The following PLD2 variants were observed in gnomAD, a reference collection of about 807,000 sequenced individuals.
PLD2 encodes choline phosphatase 2.
In PLD2, 101 loss-of-function variants were observed where a neutral mutation model predicts 119.8. The ratio of observed to expected loss-of-function variants is 0.84; its 90% confidence interval spans 0.72 to 0.99. PLD2 has a LOEUF of 0.99. Among genes scored for constraint, PLD2 ranks in the 50% least tolerant of loss-of-function variants. PLD2 has a pLI of 0.00. For missense variants in PLD2, 1,164 were observed against 1,226.8 expected (o/e 0.95, Z 0.76); for synonymous variants, 494 against 482.8 (o/e 1.02, Z -0.30).
rs751406333 is a variant in PLD2 at position 4,816,611 on chromosome 17, C to T, written c.1456-9C>T. Reference sequence around the variant, plus strand: ...CCTTGCCCCTGGCTTGGGTGTGTTCCCCCTACAGCCTCCCACCCCGCGCCC... The same window carrying T: ...CCTTGCCCCTGGCTTGGGTGTGTTCTCCCTACAGCCTCCCACCCCGCGCCC... On this transcript the variant is annotated splice_polypyrimidine_tract_variant and intron_variant, in intron 14 of 24. Transcript: ENST00000263088. 20 of 1,613,578 alleles carry T rather than the reference C, an allele frequency of 1.2e-5. No individual in the cohort carries two copies. Among genetic ancestry groups the T allele is most frequent in the Non-Finnish European group, 1.5e-5 (18 of 1,179,596 alleles).
chr17:4,813,254 C>A (rs1226910031), intron 10 of PLD2, among the ~76,000 whole-genome samples: 1 of 152,198 alleles, frequency 6.6e-6, no homozygotes, highest in African/African-American at 2.4e-5. Context: ...AAGTGATCCA[C>A]CCGCTTCGGC....
In PLD2 at chr17:4,809,565, C is replaced by T; in HGVS notation, c.614+14C>T. ...CCGCAAAGGACTGTGAGTGTCTGGC[C>T]CCCTTCACCCAGGCATCCGTAGACA... On this transcript the variant is annotated intron_variant, in intron 7 of 24. Transcript: ENST00000263088. The T allele has an allele frequency of 6.2e-7, 1 of 1,605,194 alleles. No homozygotes were observed. The highest frequency in any genetic ancestry group is 8.5e-7 in the Non-Finnish European group (1 of 1,173,706).
intron 9 of PLD2, 109 bp downstream of exon 9, chr17:4,810,138 C>A: frequency 8.9e-7 from 1 of 1,127,350 alleles, no homozygotes. Context: ...TTTTCCACCT[C>A]CCTGGATCGG....
In PLD2 at chr17:4,818,114, T is replaced by C. The variant is rs760840373; in HGVS notation, c.1920+8T>C. ...CACTTCCTCTACATTGAGGTCTGAC[T>C]GGGAGGAGGTGGGGGAGAGCATGGA... On this transcript the variant is annotated splice_region_variant and intron_variant, in intron 18 of 24. Coordinates refer to ENST00000263088, the MANE Select transcript of PLD2 (RefSeq NM_002663.5). 1.9e-6 allele frequency: 3 copies of C among 1,590,894 alleles called. No individual in the cohort carries two copies. The highest frequency in any genetic ancestry group is 1.7e-6 in the Non-Finnish European group (2 of 1,158,920).
chr17:4,809,736 C>T lies in PLD2; in HGVS notation c.660C>T (p.Gly220=). Reference sequence around the variant, plus strand: ...GCTCAGGTGGCCACCGTGTTCCTGGCCTCACCTGCTGTGGCCGAGACCAAG... The same window carrying T: ...GCTCAGGTGGCCACCGTGTTCCTGGTCTCACCTGCTGTGGCCGAGACCAAG... ...RKRSGGHRVP[G]LTCCGRDQVC... The change falls in exon 8 of 25, where the codon GGC becomes GGT. Residue 220 remains glycine, a synonymous_variant. Coordinates refer to ENST00000263088, the MANE Select transcript of PLD2 (RefSeq NM_002663.5). 3 of 1,614,194 alleles carry T rather than the reference C, an allele frequency of 1.9e-6. No individual in the cohort carries two copies. Among genetic ancestry groups the T allele is most frequent in the Non-Finnish European group, 2.5e-6 (3 of 1,180,044 alleles).
rs775352232 is a variant in PLD2 at position 4,810,006 on chromosome 17, C to T, written c.837C>T (p.Gly279=). 27 of 1,613,216 alleles carry T rather than the reference C, an allele frequency of 1.7e-5. No individual in the cohort carries two copies. In the East Asian group the frequency reaches 4.0e-4, roughly 24 times the overall value. ...AAAGGAGCACGGAGGCACGGCACGG[C>T]GTGCGGATCGATACCTCCCACAGGT... ...VGKRSTEARH[G]VRIDTSHRSL... The change falls in exon 9 of 25, where the codon GGC becomes GGT. Residue 279 remains glycine (G), a synonymous_variant. Transcript: ENST00000263088.
In PLD2 at chr17:4,810,010, C is replaced by G. The variant is rs768519666; in HGVS notation, c.841C>G (p.Arg281Gly). Residue 281 changes from arginine to glycine, a missense_variant, in exon 9 of 25, where the codon CGG (arginine) becomes GGG (glycine). Transcript: ENST00000263088. ...KRSTEARHGV[R>G]IDTSHRSLIL... ...GAGCACGGAGGCACGGCACGGCGTG[C>G]GGATCGATACCTCCCACAGGTGAGG... is the stretch of plus-strand genomic sequence containing the variant. 12 of 1,613,008 alleles carry G rather than the reference C, an allele frequency of 7.4e-6. No homozygotes were observed. The highest frequency in any genetic ancestry group is 1.3e-5 in the African/African-American group (1 of 74,892).
At chr17:4,821,559 A>C in intron 23 of PLD2, 7 of 336,572 alleles carry the variant, frequency 2.1e-5, no homozygotes, top group Admixed American at 4.5e-5. Context: ...GTGCCTGGCT[A>C]ATTTTTGTAT....
intron 5 of PLD2, 37 bp downstream of exon 5, chr17:4,809,242 G>A (rs1906180741): frequency 1.9e-6 from 3 of 1,612,414 alleles, no homozygotes; most frequent in Admixed American, 1.7e-5. Flanking sequence ...GAAGGCATTG[G>A]AGGTGCAAAT....
chr17:4,822,822 G>A lies in PLD2; in HGVS notation c.2760G>A (p.Leu920=), dbSNP rs772260788. 6.2e-7 allele frequency: 1 copy of A among 1,613,050 alleles called. No individual in the cohort carries two copies. Among genetic ancestry groups the A allele is most frequent in the Non-Finnish European group, 8.5e-7 (1 of 1,179,116 alleles). ...AGGATGAGTCTTTGCTGCCCCCGCT[G>A]GGTAGCAAGGAGGGCATGATCCCCC... ...FLEDESLLPP[L]GSKEGMIPLE... The change falls in exon 25 of 25, where the codon CTG becomes CTA. Residue 920 remains leucine, a synonymous_variant. Transcript: ENST00000263088.
At chr17:4,816,827 A>G in intron 15 of PLD2, 81 bp downstream of exon 15, 1 of 1,604,130 alleles carries the variant, frequency 6.2e-7, no homozygotes. Flanking sequence ...GTGGGATGAG[A>G]GGGGTCAACG....
At position 4,818,344 on chromosome 17, in the gene PLD2, GGT is replaced by G; in HGVS notation, c.1970_1971del (p.Val657GlyfsTer3). ...CSDGRTVLNK[V>X]GDEIVDRILK... ...CAGATGGGCGGACGGTTCTGAACAA[GGT>G]GGGCGATGAGATTGTGGACAGAATC... On this transcript the variant is annotated frameshift_variant, in exon 19 of 25. Coordinates refer to ENST00000263088, the MANE Select transcript of PLD2 (RefSeq NM_002663.5). LOFTEE classifies it high-confidence loss of function. The G allele has an allele frequency of 6.2e-7, 1 of 1,614,234 alleles. No homozygotes were observed. Among genetic ancestry groups the G allele is most frequent in the Non-Finnish European group, 8.5e-7 (1 of 1,180,038 alleles).
rs200031534 is a variant in PLD2 at position 4,822,679 on chromosome 17, C to T, written c.2617C>T (p.Arg873Trp). The T allele has an allele frequency of 2.1e-5, 34 of 1,613,786 alleles. No individual in the cohort carries two copies. Among genetic ancestry groups the T allele is most frequent in the South Asian group, 1.3e-4 (12 of 91,076 alleles). Residue 873 changes from arginine (R) to tryptophan (W), a missense_variant, in exon 25 of 25, where the codon CGG becomes TGG. Transcript: ENST00000263088. ...CLPSNATRSL[R>W]TLREYVAVEP... ...GCCATCCAATGCCACGCGTTCCCTGCGGACTCTCCGGGAGTACGTGGCCGT... is the reference window on the plus strand; with the variant it reads ...GCCATCCAATGCCACGCGTTCCCTGTGGACTCTCCGGGAGTACGTGGCCGT...
In PLD2 at chr17:4,819,403, C is replaced by G. The variant is rs74476245; in HGVS notation, c.2309-26C>G. 111,279 of 1,610,586 alleles carry G rather than the reference C, an allele frequency of 0.069. 4,189 individuals carry two copies. The highest frequency in any genetic ancestry group is 0.09 in the Middle Eastern group (543 of 6,062). On this transcript the variant is annotated intron_variant, in intron 22 of 24. Coordinates refer to ENST00000263088, the MANE Select transcript of PLD2 (RefSeq NM_002663.5). This position sits in a 1 kb window ranked among gnomAD's most constrained non-coding sequence, Gnocchi z 4.2. ...GGGGAGAGTGCCCTGGGCCCAAGCA[C>G]ACAGTGTGCCCCGCATCCACCCCAG...
rs749739488 is a variant in PLD2 at position 4,819,476 on chromosome 17, G to A, written c.2356G>A (p.Glu786Lys). ...GAGCTTGCTGGGGAAGCGGGACAGTGAGCTGGCCGTGCTGATCGAGGACAC... is the reference window on the plus strand; with the variant it reads ...GAGCTTGCTGGGGAAGCGGGACAGTAAGCTGGCCGTGCTGATCGAGGACAC... The part of the protein sequence containing the change: ...DRSLLGKRDS[E>K]LAVLIEDTET... The change falls in exon 23 of 25, where the codon GAG (glutamate) becomes AAG (lysine). Residue 786 changes from glutamate (E) to lysine (K), a missense_variant. Coordinates refer to ENST00000263088, the MANE Select transcript of PLD2 (RefSeq NM_002663.5). This position sits in a 1 kb window ranked among gnomAD's most constrained non-coding sequence, Gnocchi z 4.2. 1.2e-6 allele frequency: 2 copies of A among 1,614,102 alleles called. No individual in the cohort carries two copies. Among genetic ancestry groups the A allele is most frequent in the South Asian group, 1.1e-5 (1 of 91,062 alleles).
chr17:4,819,462 G>T lies in PLD2; in HGVS notation c.2342G>T (p.Gly781Val). The part of the protein sequence containing the change: ...SANINDRSLL[G>V]KRDSELAVLI... ...AACATCAATGACCGGAGCTTGCTGGGGAAGCGGGACAGTGAGCTGGCCGTG... is the reference window on the plus strand; with the variant it reads ...AACATCAATGACCGGAGCTTGCTGGTGAAGCGGGACAGTGAGCTGGCCGTG... Residue 781 changes from glycine (G) to valine (V), a missense_variant, in exon 23 of 25, where the codon GGG becomes GTG. Gly to Val is a moderately radical substitution (Grantham distance 109). Coordinates refer to ENST00000263088, the MANE Select transcript of PLD2 (RefSeq NM_002663.5). This position sits in a 1 kb window ranked among gnomAD's most constrained non-coding sequence, Gnocchi z 4.2. 1 of 1,613,988 alleles carries T rather than the reference G, an allele frequency of 6.2e-7. No homozygotes were observed. The highest frequency in any genetic ancestry group is 2.2e-5 in the East Asian group (1 of 44,862).
chr17:4,821,577 T>C, intron 23 of PLD2: 1 of 374,128 alleles, frequency 2.7e-6, no homozygotes, highest in Non-Finnish European at 4.9e-6. Context: ...TATTTTTTTG[T>C]AGAGATGGGG....
intron 10 of PLD2, 44 bp downstream of exon 10, chr17:4,810,995 G>T (rs1475297007): frequency 6.4e-7 from 1 of 1,566,882 alleles, no homozygotes; most frequent in Admixed American, 1.8e-5. Flanking sequence ...TGGCTTTCTT[G>T]ACCCCCTGTG....
At chr17:4,816,162 A>G (rs1470432552) in intron 14 of PLD2, among the ~76,000 whole-genome samples, 1 of 152,076 alleles carries the variant, frequency 6.6e-6, no homozygotes, top group East Asian at 1.9e-4. Flanking sequence ...CGGGTGGATC[A>G]CCTGAGGTCT....
Sources: allele counts gnomAD v4.1 joint callset (sites outside exome capture counted in the v4.1 genomes callset), GRCh38; gene constraint gnomAD v4.1.1; non-coding constraint Gnocchi (gnomAD v3.1); transcripts MANE v1.5; gene names NCBI Gene and HGNC (gene_info 2026-07-23, HGNC 2026-07-21).